The following COL4A5 variants were observed in gnomAD, a reference collection of about 807,000 sequenced individuals.
COL4A5 encodes the protein collagen alpha-5(IV) chain.
COL4A5 carries 26 observed loss-of-function variants against 130.2 expected under a neutral mutation model. That is an observed-to-expected ratio of 0.20 (90% CI 0.15 to 0.28). The LOEUF (loss-of-function observed/expected upper bound fraction) is 0.28. COL4A5 is among the 10% of genes least tolerant of loss of function. COL4A5 has a pLI of 1.00. For missense variants in COL4A5, 1,131 were observed against 1,344.3 expected (o/e 0.84, Z 2.48); for synonymous variants, 496 against 439.6 (o/e 1.13, Z -1.60).
intron 1 of COL4A5, among the ~76,000 whole-genome samples, chrX:108,498,835 A>T (rs1603256974): frequency 9.0e-6 from 1 of 111,230 alleles, no homozygotes; most frequent in East Asian, 2.8e-4. Context: ...TACTAACTTC[A>T]GTTTTATAAT....
chrX:108,613,262 T>A (rs1346243837), intron 29 of COL4A5, among the ~76,000 whole-genome samples: 1 of 111,888 alleles, frequency 8.9e-6, no homozygotes, highest in Non-Finnish European at 1.9e-5. Flanking sequence ...ATGGTCTCTG[T>A]CACATATTCT....
intron 2 of COL4A5, among the ~76,000 whole-genome samples, chrX:108,545,041 T>A (rs984701765): frequency 2.7e-5 from 3 of 111,870 alleles, no homozygotes; most frequent in African/African-American, 9.8e-5. Flanking sequence ...TCAGTTTTAT[T>A]GATCTTTTCA....
Position 108,578,465 on chromosome X carries a change from T to C in COL4A5, c.780+82T>C, listed in dbSNP as rs984459052. 1.5e-5 allele frequency: 10 copies of C among 659,120 alleles called. No individual in the cohort carries two copies. In the Admixed American group the frequency reaches 1.9e-4, roughly 12 times the overall value. The allele number at this position is 659,120 out of a possible 1,213,427, so 54.3% of individuals were successfully genotyped here. A position where few individuals can be genotyped will look rare whatever the true frequency, so the allele number is the denominator to read the frequency against. The stretch of plus-strand genomic sequence containing the variant: ...TGATGGTGGTAATCACATCACAATG[T>C]ATATGTATATCAAAACATCACATTG... On this transcript the variant is annotated intron_variant, in intron 13 of 52. Transcript: ENST00000328300.
chrX:108,651,772 A>T (rs2067734423), intron 36 of COL4A5, among the ~76,000 whole-genome samples: 1 of 111,645 alleles, frequency 9.0e-6, no homozygotes, highest in Non-Finnish European at 1.9e-5. Flanking sequence ...TCATTACCTT[A>T]GACATACTAC....
chrX:108,456,014 G>A (rs1445274660), intron 1 of COL4A5, among the ~76,000 whole-genome samples: 2 of 111,521 alleles, frequency 1.8e-5, no homozygotes, highest in Non-Finnish European at 3.8e-5. Flanking sequence ...ACCTTTTGAG[G>A]TTTTGATAGG....
chrX:108,622,598 CA>C, intron 32 of COL4A5, 77 bp from the exon 33 acceptor site: 1 of 1,092,994 alleles, frequency 9.1e-7, no homozygotes, highest in Non-Finnish European at 1.3e-6. Flanking sequence ...AACTATGAAA[CA>C]TATCAATAAT....
chrX:108,564,240 G>T (rs1335902493), intron 4 of COL4A5, among the ~76,000 whole-genome samples: 2 of 111,082 alleles, frequency 1.8e-5, no homozygotes, highest in African/African-American at 6.5e-5. Context: ...TCATATAGTT[G>T]GTTTAAACCA....
chrX:108,645,800 A>T (rs2067571446), intron 36 of COL4A5, among the ~76,000 whole-genome samples: 1 of 94,310 alleles, frequency 1.1e-5, no homozygotes, highest in South Asian at 5.2e-4. Flanking sequence ...CTCACTGTTC[A>T]ACTCCCACCC....
intron 36 of COL4A5, chrX:108,627,110 A>T (rs1291744988): frequency 1.5e-6 from 1 of 667,995 alleles, no homozygotes; most frequent in African/African-American, 2.4e-5. Flanking sequence ...TAATTGATCA[A>T]TGTCTTATAA....
At position 108,591,519 on chromosome X, in the gene COL4A5, T is replaced by A. The variant is rs181606306; in HGVS notation, c.1340-42T>A. 1.4e-5 allele frequency: 14 copies of A among 1,029,956 alleles called. No individual in the cohort carries two copies. The Admixed American group carries it at 3.1e-4, about 23-fold the overall frequency. The allele number at this position is 1,029,956 out of a possible 1,213,427, so 84.9% of individuals were successfully genotyped here. On this transcript the variant is annotated intron_variant, in intron 20 of 52. Coordinates refer to ENST00000328300, the MANE Select transcript of COL4A5 (RefSeq NM_033380.3). ...GCTTTCTTTTGTTTAATCTTCTGGA[T>A]ATTTCACAATTAGCTTGCTATCCTT...
intron 1 of COL4A5, among the ~76,000 whole-genome samples, chrX:108,484,915 A>G (rs762573335): frequency 8.9e-6 from 1 of 112,649 alleles, no homozygotes; most frequent in African/African-American, 3.2e-5. Flanking sequence ...AAGCAAGTCC[A>G]GAGATACTGT....
chrX:108,544,346 T>G (rs997738196), intron 2 of COL4A5, among the ~76,000 whole-genome samples: 4 of 112,514 alleles, frequency 3.6e-5, no homozygotes, highest in Non-Finnish European at 7.5e-5. Context: ...CAAAGGCCTT[T>G]TCTGCATCTA....
chrX:108,685,847 TTA>T (rs1465355858), intron 47 of COL4A5, among the ~76,000 whole-genome samples, 182 bp from the exon 48 acceptor site: 1 of 112,213 alleles, frequency 8.9e-6, no homozygotes, highest in Non-Finnish European at 1.9e-5. Context: ...AATGGATTGT[TTA>T]AAACTAAAGC....
chrX:108,636,939 CT>C (rs59497827), intron 36 of COL4A5, among the ~76,000 whole-genome samples: 791 of 76,377 alleles, frequency 0.01, 2 homozygotes, highest in Non-Finnish European at 0.013. Flanking sequence ...AATGTAATGT[CT>C]TTTTTTTTTT....
chrX:108,696,329 A>T lies in COL4A5; in HGVS notation c.5027A>T (p.Asp1676Val). 8.3e-7 allele frequency: 1 copy of T among 1,210,046 alleles called. No individual in the cohort carries two copies. The highest frequency in any genetic ancestry group is 1.1e-6 in the Non-Finnish European group (1 of 893,916). The change falls in exon 53 of 53, where the codon GAC (aspartate) becomes GTC (valine). Residue 1676 changes from aspartate to valine, a missense_variant. Asp to Val is a radical substitution (Grantham distance 152). Transcript: ENST00000328300. ...CAGTCAGAAACGCTGAAAGCAGGAG[A>T]CTTGAGGACACGAATTAGCCGATGT... ...KPQSETLKAGDLRTRISRCQV... is the reference protein window; with the variant it reads ...KPQSETLKAGVLRTRISRCQV...
chrX:108,461,076 A>C (rs2064645612), intron 1 of COL4A5, among the ~76,000 whole-genome samples: 1 of 111,250 alleles, frequency 9.0e-6, no homozygotes, highest in Admixed American at 9.6e-5. Flanking sequence ...AAAAAAGACT[A>C]ATGTTGTAAA....
chrX:108,518,434 T>C lies in COL4A5; in HGVS notation c.82-21312T>C, dbSNP rs376564330. Among the ~76,000 whole-genome samples, 10 of 111,207 alleles carry C rather than the reference T, an allele frequency of 9.0e-5. 1 individual carries two copies. The East Asian group carries it at 1.4e-3, about 16-fold the overall frequency. ...CAATTGGTAATTTGTTCAGACTGGA[T>C]GCCAGAATAGCTCCGTTGTCTGTTA... On this transcript the variant is annotated intron_variant, in intron 1 of 52. Transcript: ENST00000328300.
Position 108,591,263 on chromosome X carries a change from T to G in COL4A5, c.1339+32T>G, listed in dbSNP as rs768080924. 8.5e-5 allele frequency: 98 copies of G among 1,157,978 alleles called. No homozygotes were observed. In the South Asian group the frequency reaches 1.4e-3, roughly 16 times the overall value. On this transcript the variant is annotated intron_variant, in intron 20 of 52. Transcript: ENST00000328300. Reference sequence around the variant, plus strand: ...TATATTTTTCTCCTATTAAGTTCTATTTTTGTTTTTGTTTATTTTGTTTAT... The same window carrying G: ...TATATTTTTCTCCTATTAAGTTCTAGTTTTGTTTTTGTTTATTTTGTTTAT...
intron 21 of COL4A5, among the ~76,000 whole-genome samples, chrX:108,592,581 C>G (rs904613433): frequency 9.0e-6 from 1 of 111,127 alleles, no homozygotes; most frequent in Non-Finnish European, 1.9e-5. Context: ...CCTCTTCCCC[C>G]AACTCCCCAC....
Sources: gnomAD v4.1 joint callset for allele counts (sites outside exome capture counted in the v4.1 genomes callset) on GRCh38, gnomAD v4.1.1 for gene constraint, MANE v1.5 for transcripts, NCBI Gene and HGNC (gene_info 2026-07-23, HGNC 2026-07-21) for gene names.